Variants in PXDNL observed in about 807,000 individuals in gnomAD.
The protein encoded by PXDNL is probable oxidoreductase PXDNL.
A neutral mutation model predicts 150.8 loss-of-function variants in PXDNL; 145 were observed. That is an observed-to-expected ratio of 0.96 (90% CI 0.84 to 1.10). The LOEUF (loss-of-function observed/expected upper bound fraction) is 1.10. PXDNL is among the 50% of genes least tolerant of loss of function. The pLI is 0.00. For missense variants in PXDNL, 2,087 were observed against 1,873.9 expected (o/e 1.11, Z -2.10); for synonymous variants, 757 against 725.7 (o/e 1.04, Z -0.69).
intron 1 of PXDNL, among the ~76,000 whole-genome samples, chr8:51,677,137 T>A (rs1437298457): frequency 6.6e-6 from 1 of 152,204 alleles, no homozygotes; most frequent in East Asian, 1.9e-4. Flanking sequence ...CCATTTGTTT[T>A]GGTGAAGTGG....
At chr8:51,625,976 C>A (rs181632277) in intron 2 of PXDNL, among the ~76,000 whole-genome samples, 196 of 152,182 alleles carry the variant, frequency 1.3e-3, no homozygotes, top group African/African-American at 4.5e-3. Flanking sequence ...TTTCATTGTA[C>A]CATACCAGAA....
chr8:51,533,718 C>T lies in PXDNL; in HGVS notation c.380+23122G>A, dbSNP rs1346736105. ...GCCGGGCTGGTCTCCAGCTCCTAAC[C>T]GCGAGTGATCCGCCAGCCTCGGCCT... On this transcript the variant is annotated intron_variant, in intron 4 of 22. Transcript: ENST00000356297. Among the ~76,000 whole-genome samples, 11 of 151,100 alleles carry T rather than the reference C, an allele frequency of 7.3e-5. 1 individual carries two copies. Among genetic ancestry groups the T allele is most frequent in the East Asian group, 5.9e-4 (3 of 5,046 alleles).
At chr8:51,691,407 C>A (rs181265266) in intron 1 of PXDNL, among the ~76,000 whole-genome samples, 9 of 152,080 alleles carry the variant, frequency 5.9e-5, no homozygotes, top group African/African-American at 2.2e-4. Context: ...GTTTTCCCAG[C>A]ACCATTTATT....
intron 4 of PXDNL, among the ~76,000 whole-genome samples, chr8:51,505,202 G>A (rs1053166025): frequency 6.6e-6 from 1 of 152,068 alleles, no homozygotes; most frequent in Admixed American, 6.5e-5. Flanking sequence ...CAACCACCCC[G>A]AGGTATCAGG....
chr8:51,327,803 T>C (rs901284115), intron 21 of PXDNL, among the ~76,000 whole-genome samples: 1 of 152,040 alleles, frequency 6.6e-6, no homozygotes, highest in East Asian at 1.9e-4. Context: ...ACAAGAAAAA[T>C]TGGACACACT....
At chr8:51,320,603 A>G (rs1361757562) in intron 22 of PXDNL, 181 bp downstream of exon 22, 4 of 562,152 alleles carry the variant, frequency 7.1e-6, no homozygotes, top group Non-Finnish European at 1.2e-5. Context: ...GATTGTGACT[A>G]TACTCTTTTA....
At chr8:51,425,690 G>A (rs535206830) in intron 13 of PXDNL, among the ~76,000 whole-genome samples, 3 of 152,048 alleles carry the variant, frequency 2.0e-5, no homozygotes, top group Admixed American at 6.6e-5. Flanking sequence ...GCGTGGTGGC[G>A]GGCGCCTGTA....
intron 2 of PXDNL, among the ~76,000 whole-genome samples, chr8:51,594,416 C>A (rs1233680894): frequency 6.6e-6 from 1 of 152,116 alleles, no homozygotes; most frequent in Non-Finnish European, 1.5e-5. Context: ...TCTTTCAAAG[C>A]CACAATTAGA....
intron 19 of PXDNL, 48 bp from the exon 20 acceptor site, chr8:51,345,995 C>A: frequency 8.9e-7 from 1 of 1,119,948 alleles, no homozygotes; most frequent in Non-Finnish European, 1.4e-6. Flanking sequence ...GATGCGATGT[C>A]ATGATCTCAT....
At chr8:51,538,699 G>A (rs182887669) in intron 4 of PXDNL, among the ~76,000 whole-genome samples, 126 of 152,210 alleles carry the variant, frequency 8.3e-4, no homozygotes, top group African/African-American at 2.8e-3. Context: ...TCTGGGAAGC[G>A]GAGGTTGCAT....
intron 3 of PXDNL, among the ~76,000 whole-genome samples, chr8:51,572,533 G>A (rs1812968897): frequency 6.6e-6 from 1 of 151,866 alleles, no homozygotes; most frequent in Non-Finnish European, 1.5e-5. Flanking sequence ...AGTAGAATGG[G>A]TGCTATAAGG....
intron 1 of PXDNL, among the ~76,000 whole-genome samples, chr8:51,753,667 A>G (rs1180592913): frequency 6.6e-6 from 1 of 152,244 alleles, no homozygotes; most frequent in Non-Finnish European, 1.5e-5. Flanking sequence ...AATTCAGCTG[A>G]GGTCATATTG....
intron 2 of PXDNL, among the ~76,000 whole-genome samples, chr8:51,645,725 C>T (rs1012884109): frequency 3.9e-5 from 6 of 152,198 alleles, no homozygotes; most frequent in African/African-American, 1.4e-4. Context: ...GAGAAATTTA[C>T]AGGAGGAGCA....
chr8:51,698,215 G>A (rs1032880822), intron 1 of PXDNL, among the ~76,000 whole-genome samples: 2 of 152,182 alleles, frequency 1.3e-5, no homozygotes, highest in Admixed American at 6.5e-5. Flanking sequence ...GAATTTCTCT[G>A]TATCATGCAA....
chr8:51,644,649 G>T (rs1474595417), intron 2 of PXDNL, among the ~76,000 whole-genome samples: 1 of 151,060 alleles, frequency 6.6e-6, no homozygotes, highest in African/African-American at 2.4e-5. Flanking sequence ...AGTAGAGATG[G>T]GGTTTCACCG....
chr8:51,744,310 G>A (rs868716872), intron 1 of PXDNL, among the ~76,000 whole-genome samples: 103 of 53,258 alleles, frequency 1.9e-3, no homozygotes, highest in African/African-American at 4.7e-3. Context: ...GAAAGAAAGA[G>A]AAAGAAAGAA....
At chr8:51,684,167 T>C (rs1472370462) in intron 1 of PXDNL, among the ~76,000 whole-genome samples, 3 of 152,202 alleles carry the variant, frequency 2.0e-5, no homozygotes, top group Non-Finnish European at 2.9e-5. Context: ...GTATCTATAA[T>C]GATTTCTAAC....
rs376517763 is a variant in PXDNL at position 51,790,730 on chromosome 8, C to T, written c.164+18451G>A. On this transcript the variant is annotated intron_variant, in intron 1 of 22. Coordinates refer to ENST00000356297, the MANE Select transcript of PXDNL (RefSeq NM_144651.5). ...GGCGAGGTCCGGATGGGCCCAGCCC[C>T]GGGTGCCAGCAGCCCTTGCTCCTGC... Among the ~76,000 whole-genome samples the T allele has an allele frequency of 1.4e-4, 7 of 50,864 alleles. No individual in the cohort carries two copies. The East Asian group carries it at 1.7e-3, about 12-fold the overall frequency. The allele number at this position is 50,864 out of a possible 152,430, so 33.4% of individuals were successfully genotyped here. A position where few individuals can be genotyped will look rare whatever the true frequency, so the allele number is the denominator to read the frequency against.
chr8:51,648,446 A>G (rs980826229), intron 2 of PXDNL, among the ~76,000 whole-genome samples: 1 of 152,226 alleles, frequency 6.6e-6, no homozygotes, highest in African/African-American at 2.4e-5. Flanking sequence ...GACTCAAGGC[A>G]AGAAACACCA....
Sources: allele counts gnomAD v4.1 joint callset (sites outside exome capture counted in the v4.1 genomes callset), GRCh38; gene constraint gnomAD v4.1.1; transcripts MANE v1.5; gene names NCBI Gene and HGNC (gene_info 2026-07-23, HGNC 2026-07-21).